ZNF250: variants seen among roughly 807,000 people sequenced by gnomAD.
ZNF250 encodes zinc finger protein (clone 647).
A neutral mutation model predicts 37.1 loss-of-function variants in ZNF250; 13 were observed. The ratio of observed to expected loss-of-function variants is 0.35; its 90% CI spans 0.23 to 0.56. The LOEUF (loss-of-function observed/expected upper bound fraction) is 0.56. ZNF250 is among the 20% of genes least tolerant of loss of function. The pLI is 0.87. For missense variants in ZNF250, 474 were observed against 697.9 expected, an observed-to-expected ratio of 0.68 and a Z score of 3.61; for synonymous variants, 251 against 265.6, an observed-to-expected ratio of 0.94 and a Z score of 0.54.
At position 144,877,913 on chromosome 8, in the gene ZNF250, A is replaced by G. The variant is rs568437053; in HGVS notation, c.*3602T>C. On this transcript the variant is annotated 3_prime_UTR_variant, in exon 6 of 6. Transcript: ENST00000417550. ...CTGTATATTGAATTTAATTATTCTCATCTTAATTGGAATATGACTTTGTCT... is the reference window on the plus strand; with the variant it reads ...CTGTATATTGAATTTAATTATTCTCGTCTTAATTGGAATATGACTTTGTCT... 3 of 152,330 alleles carry G rather than the reference A, an allele frequency of 2.0e-5. No individual in the cohort carries two copies. Among genetic ancestry groups the G allele is most frequent in the Admixed American group, 6.5e-5 (1 of 15,298 alleles). 9.4% of individuals were successfully genotyped at this position (152,330 alleles called of 1,614,324 possible). A position where few individuals can be genotyped will look rare whatever the true frequency, so the allele number is the denominator to read the frequency against.
upstream of ZNF250, chr8:144,901,864 C>T (rs555845817): frequency 6.6e-5 from 10 of 152,526 alleles, no homozygotes; most frequent in African/African-American, 2.4e-4. This position sits in a 1 kb window ranked among gnomAD's most constrained non-coding sequence, Gnocchi z 5.4. Context: ...GGAACTCGAG[C>T]TCGTTCCCCC....
chr8:144,884,535 A>AGCC (rs1831731804), intron 5 of ZNF250, among the ~76,000 whole-genome samples: 1 of 152,214 alleles, frequency 6.6e-6, no homozygotes, highest in Non-Finnish European at 1.5e-5. Flanking sequence ...TACAGGCAGG[A>AGCC]GCCACGGCGC....
chr8:144,900,648 AAC>A (rs1469791624), intron 1 of ZNF250, among the ~76,000 whole-genome samples: 1 of 152,244 alleles, frequency 6.6e-6, no homozygotes, highest in Non-Finnish European at 1.5e-5. Flanking sequence ...ATAGGGCTCT[AAC>A]ACAGTAACAG....
rs144959445 is a variant in ZNF250 at position 144,886,567 on chromosome 8, C to T, written c.346+273G>A. Among the ~76,000 whole-genome samples the T allele has an allele frequency of 1.7e-3, 263 of 151,940 alleles. 1 individual carries two copies. Among genetic ancestry groups the T allele is most frequent in the Middle Eastern group, 3.4e-3 (1 of 294 alleles). On this transcript the variant is annotated intron_variant, in intron 5 of 5. Coordinates refer to ENST00000417550, the MANE Select transcript of ZNF250 (RefSeq NM_001109689.4). Reference sequence around the variant, plus strand: ...GTAGGGAAGTATGTTTTAAGCATGACGGAACAAATAAAAGGAAACAAAATG... The same window carrying T: ...GTAGGGAAGTATGTTTTAAGCATGATGGAACAAATAAAAGGAAACAAAATG...
chr8:144,893,496 A>G (rs1324826389), intron 1 of ZNF250, among the ~76,000 whole-genome samples: 1 of 151,560 alleles, frequency 6.6e-6, no homozygotes, highest in Non-Finnish European at 1.5e-5. Context: ...ATGCCCGGCT[A>G]ATTTTTGTAC....
Position 144,876,995 on chromosome 8 carries a change from CA to C in ZNF250, c.*4519del, listed in dbSNP as rs1351011831. ...TTTTATTGGAAAGCGTCAGATTATA[CA>C]CAGAAATTCCAGGCAGACTAAAATG... On this transcript the variant is annotated 3_prime_UTR_variant, in exon 6 of 6. Transcript: ENST00000417550. The C allele has an allele frequency of 6.6e-6, 1 of 152,210 alleles. No individual in the cohort carries two copies. The highest frequency in any genetic ancestry group is 1.9e-4 in the East Asian group (1 of 5,202). The allele number at this position is 152,210 out of a possible 1,614,324, so 9.4% of individuals were successfully genotyped here. A position where few individuals can be genotyped will look rare whatever the true frequency, so the allele number is the denominator to read the frequency against.
At chr8:144,894,960 C>T (rs948864105) in intron 1 of ZNF250, among the ~76,000 whole-genome samples, 10 of 152,098 alleles carry the variant, frequency 6.6e-5, no homozygotes, top group African/African-American at 1.4e-4. Flanking sequence ...ACACCACACC[C>T]GGCCTGTTTG....
chr8:144,895,414 A>C (rs1832648524), intron 1 of ZNF250, among the ~76,000 whole-genome samples: 1 of 152,174 alleles, frequency 6.6e-6, no homozygotes, highest in African/African-American at 2.4e-5. Flanking sequence ...AGCTGCATTG[A>C]GGCCCCACCT....
rs984470990 is a variant in ZNF250 at position 144,877,244 on chromosome 8, A to AC, written c.*4270dup. On this transcript the variant is annotated 3_prime_UTR_variant, in exon 6 of 6. Transcript: ENST00000417550. ...TGGGACTACAGGCGCAAGCCACAAC[A>AC]CCCAGCTAATTTTTTTTTTGTAGAG... 4 of 150,946 alleles carry AC rather than the reference A, an allele frequency of 2.6e-5. No individual in the cohort carries two copies. Among genetic ancestry groups the AC allele is most frequent in the Admixed American group, 6.6e-5 (1 of 15,146 alleles). 9.4% of individuals were successfully genotyped at this position (150,946 alleles called of 1,614,324 possible). A position where few individuals can be genotyped will look rare whatever the true frequency, so the allele number is the denominator to read the frequency against.
At chr8:144,884,250 T>C (rs951616601) in intron 5 of ZNF250, among the ~76,000 whole-genome samples, 6 of 152,234 alleles carry the variant, frequency 3.9e-5, no homozygotes, top group Non-Finnish European at 7.3e-5. Flanking sequence ...ATTCTGTTTA[T>C]GAACATAATT....
chr8:144,895,135 G>A (rs948919694), intron 1 of ZNF250: 2 of 152,242 alleles, frequency 1.3e-5, no homozygotes, highest in African/African-American at 2.4e-5. Context: ...CCCTTGGATA[G>A]TGGGTACCTG....
chr8:144,885,772 G>T (rs1182511815), intron 5 of ZNF250, among the ~76,000 whole-genome samples: 2 of 152,164 alleles, frequency 1.3e-5, no homozygotes, highest in South Asian at 2.1e-4. Context: ...ATAGGCTAAA[G>T]AAATAGTTAC....
rs943139810 is a variant in ZNF250, at chr8:144,891,175, G to C, written c.-54-772C>G. On this transcript the variant is annotated intron_variant, in intron 1 of 5. Transcript: ENST00000417550. This position sits in a 1 kb window ranked among gnomAD's most constrained non-coding sequence, Gnocchi z 4.0. ...GAGCTTTCCTGACACATTTGGTCCT[G>C]TACAGGATAGGGTTCGCAGTCTTCT... Among the ~76,000 whole-genome samples the C allele has an allele frequency of 1.3e-5, 2 of 152,194 alleles. No individual in the cohort carries two copies. Among genetic ancestry groups the C allele is most frequent in the Non-Finnish European group, 2.9e-5 (2 of 68,038 alleles).
chr8:144,878,510 C>G lies in ZNF250; in HGVS notation c.*3005G>C, dbSNP rs1831259059. ...TCTCTGTGATCTCAGCTTCTAACAC[C>G]TGAGGGACACCATCTTGGTCCTGAA... On this transcript the variant is annotated 3_prime_UTR_variant, in exon 6 of 6. Coordinates refer to ENST00000417550, the MANE Select transcript of ZNF250 (RefSeq NM_001109689.4). 6.6e-6 allele frequency: 1 copy of G among 152,088 alleles called. No homozygotes were observed. Among genetic ancestry groups the G allele is most frequent in the African/African-American group, 2.4e-5 (1 of 41,406 alleles). 9.4% of individuals were successfully genotyped at this position (152,088 alleles called of 1,614,324 possible). A position where few individuals can be genotyped will look rare whatever the true frequency, so the allele number is the denominator to read the frequency against.
At chr8:144,892,542 T>C (rs1041617642) in intron 1 of ZNF250, among the ~76,000 whole-genome samples, 5 of 152,050 alleles carry the variant, frequency 3.3e-5, no homozygotes, top group South Asian at 2.1e-4. Flanking sequence ...GATACATCAA[T>C]AACCAATTTT....
intron 5 of ZNF250, among the ~76,000 whole-genome samples, 187 bp from the exon 6 acceptor site, chr8:144,883,023 A>G (rs914057178): frequency 3.3e-5 from 5 of 152,222 alleles, no homozygotes; most frequent in African/African-American, 1.2e-4. Flanking sequence ...ATGTTTCCAG[A>G]CAGGAAGGTG....
At chr8:144,883,106 G>A (rs1458029547) in intron 5 of ZNF250, among the ~76,000 whole-genome samples, 1 of 152,242 alleles carries the variant, frequency 6.6e-6, no homozygotes, top group African/African-American at 2.4e-5. Context: ...CCACAGAACA[G>A]CAGGGAAACA....
In ZNF250 at chr8:144,882,445, A is replaced by C. The variant is rs1487456053; in HGVS notation, c.738T>G (p.Gly246=). The C allele has an allele frequency of 6.2e-7, 1 of 1,612,676 alleles. No individual in the cohort carries two copies. Among genetic ancestry groups the C allele is most frequent in the Non-Finnish European group, 8.5e-7 (1 of 1,179,608 alleles). The change falls in exon 6 of 6, where the codon GGT becomes GGG. Residue 246 remains glycine, a synonymous_variant. Coordinates refer to ENST00000417550, the MANE Select transcript of ZNF250 (RefSeq NM_001109689.4). The surrounding 1 kb of genome is among the most constrained non-coding windows in gnomAD (Gnocchi z 5.5). ...ACTCATTACACTCATAGGGCTTCTC[A>C]CCTGTGTGAATTCTCCTGTGTTTAC... ...VLSKHRRIHT[G]EKPYECNECG...
Position 144,878,330 on chromosome 8 carries a change from T to G in ZNF250, c.*3185A>C, listed in dbSNP as rs533755475. On this transcript the variant is annotated 3_prime_UTR_variant, in exon 6 of 6. Transcript: ENST00000417550. ...TCAACCTTTCTCTGAAGAATCACCT[T>G]AGTGATTTCAGCCACCTCTGAAGTT... The G allele has an allele frequency of 4.6e-5, 7 of 152,228 alleles. No individual in the cohort carries two copies. Among genetic ancestry groups the G allele is most frequent in the Admixed American group, 2.0e-4 (3 of 15,286 alleles). The allele number at this position is 152,228 out of a possible 1,614,324, so 9.4% of individuals were successfully genotyped here.
Sources: allele counts gnomAD v4.1 joint callset (sites outside exome capture counted in the v4.1 genomes callset), GRCh38; gene constraint gnomAD v4.1.1; non-coding constraint Gnocchi (gnomAD v3.1); transcripts MANE v1.5; gene names NCBI Gene and HGNC (gene_info 2026-07-23, HGNC 2026-07-21).